BOC: variants seen among roughly 807,000 people sequenced by gnomAD.
BOC encodes the protein BOC cell adhesion associated, oncogene regulated.
A neutral mutation model predicts 112.0 loss-of-function variants in BOC; 76 were observed. The observed-to-expected ratio is 0.68, with a 90% confidence interval of 0.56 to 0.82. The LOEUF is 0.82. BOC is among the 40% of genes least tolerant of loss of function. The pLI is 0.00. For synonymous variants in BOC, 580 were observed against 599.8 expected, an observed-to-expected ratio of 0.97 and a Z score of 0.48; for missense variants, 1,309 against 1,511.7, an observed-to-expected ratio of 0.87 and a Z score of 2.22.
At chr3:113,286,559 C>T (rs1949716927) in intron 19 of BOC, 116 bp from the exon 20 acceptor site, 5 of 974,802 alleles carry the variant, frequency 5.1e-6, no homozygotes, top group Non-Finnish European at 7.3e-6. Context: ...GTTTCTGTCC[C>T]CTTTCCAGAG....
At chr3:113,225,257 G>A (rs9870275) in intron 2 of BOC, among the ~76,000 whole-genome samples, 219 of 148,620 alleles carry the variant, frequency 1.5e-3, no homozygotes, top group African/African-American at 5.3e-3. Context: ...CTGGGTGACA[G>A]AACAAGACCT....
chr3:113,287,375 A>G lies in BOC; in HGVS notation c.*513A>G, dbSNP rs1949775803. 1.2e-5 allele frequency: 2 copies of G among 161,242 alleles called. No homozygotes were observed. The highest frequency in any genetic ancestry group is 2.4e-5 in the African/African-American group (1 of 41,706). 10.0% of individuals were successfully genotyped at this position (161,242 alleles called of 1,614,324 possible). On this transcript the variant is annotated 3_prime_UTR_variant, in exon 20 of 20. Coordinates refer to ENST00000682979, the MANE Select transcript of BOC (RefSeq NM_001378074.1). ...TATGAGCATTAAAAAACCTTCCAGAATCAATAATCCGTGGCAACATATCTC... is the reference window on the plus strand; with the variant it reads ...TATGAGCATTAAAAAACCTTCCAGAGTCAATAATCCGTGGCAACATATCTC...
chr3:113,236,356 C>A (rs1369877492), intron 2 of BOC, among the ~76,000 whole-genome samples: 5 of 106,128 alleles, frequency 4.7e-5, no homozygotes, highest in African/African-American at 1.5e-4. Context: ...GGAATCATGT[C>A]TTTTGCAGCA....
intron 12 of BOC, 106 bp downstream of exon 12, chr3:113,279,561 C>T (rs898806732): frequency 8.2e-6 from 9 of 1,097,678 alleles, no homozygotes; most frequent in Admixed American, 6.9e-5. Context: ...CCCAGGCCCC[C>T]ACCCACCAGC....
intron 1 of BOC, among the ~76,000 whole-genome samples, chr3:113,215,701 T>A (rs1210569827): frequency 6.6e-6 from 1 of 152,240 alleles, no homozygotes; most frequent in Non-Finnish European, 1.5e-5. Flanking sequence ...TTTAAAACCC[T>A]AATTTCTTAA....
At chr3:113,260,979 T>C (rs192379355) in intron 4 of BOC, among the ~76,000 whole-genome samples, 1 of 152,156 alleles carries the variant, frequency 6.6e-6, no homozygotes, top group East Asian at 1.9e-4. Flanking sequence ...GCCAAAAAGG[T>C]TGGGGACCAC....
chr3:113,228,679 C>G (rs752996963), intron 2 of BOC, among the ~76,000 whole-genome samples: 13 of 152,176 alleles, frequency 8.5e-5, no homozygotes, highest in Non-Finnish European at 1.3e-4. Context: ...CTTCCTGTCT[C>G]TGGAGTGCAC....
intron 3 of BOC, 39 bp from the exon 4 acceptor site, chr3:113,250,516 G>A: frequency 6.4e-7 from 1 of 1,556,404 alleles, no homozygotes; most frequent in Non-Finnish European, 8.7e-7. Flanking sequence ...GTTTTCTTGG[G>A]GGCATCAGTT....
intron 4 of BOC, among the ~76,000 whole-genome samples, chr3:113,258,745 A>G (rs1946499647): frequency 6.6e-6 from 1 of 152,190 alleles, no homozygotes; most frequent in Non-Finnish European, 1.5e-5. Flanking sequence ...AGAGACAGAG[A>G]CAGCTCCACA....
intron 6 of BOC, 113 bp from the exon 7 acceptor site, chr3:113,272,297 C>G: frequency 8.3e-7 from 1 of 1,211,602 alleles, no homozygotes; most frequent in Non-Finnish European, 1.2e-6. Context: ...GTTGAAAGAC[C>G]CGGAATGGCT....
chr3:113,223,010 G>A (rs1424847760), intron 2 of BOC, among the ~76,000 whole-genome samples: 1 of 152,240 alleles, frequency 6.6e-6, no homozygotes, highest in Non-Finnish European at 1.5e-5. Flanking sequence ...CTGCACATTG[G>A]GATGTTCACC....
At chr3:113,213,183 C>T (rs1043730756) in intron 1 of BOC, among the ~76,000 whole-genome samples, 1 of 152,198 alleles carries the variant, frequency 6.6e-6, no homozygotes, top group African/African-American at 2.4e-5. Flanking sequence ...CTGCTCCCCT[C>T]ATCCCTTCTC....
rs9819129 is a variant in BOC, at chr3:113,270,916, C to A, written c.639C>A (p.Ser213=). The part of the protein sequence containing the change: ...YNPVTQEVKT[S]GSSDRLRVRR... ...CAGTGACCCAGGAAGTGAAAACCTC[C>A]GGCTCCAGCGACAGGCTACGTGTGC... Residue 213 remains serine, a synonymous_variant, in exon 6 of 20, where the codon TCC becomes TCA. Transcript: ENST00000682979. 1.2e-6 allele frequency: 2 copies of A among 1,614,202 alleles called. No individual in the cohort carries two copies. Among genetic ancestry groups the A allele is most frequent in the Non-Finnish European group, 1.7e-6 (2 of 1,180,042 alleles).
At chr3:113,232,803 T>G (rs907922511) in intron 2 of BOC, among the ~76,000 whole-genome samples, 1 of 152,236 alleles carries the variant, frequency 6.6e-6, no homozygotes, top group African/African-American at 2.4e-5. Flanking sequence ...TCAGATTTAT[T>G]AAGTTGCTGT....
At chr3:113,273,363 G>A (rs755540363) in intron 8 of BOC, 22 bp downstream of exon 8, 1 of 1,567,648 alleles carries the variant, frequency 6.4e-7, no homozygotes, top group East Asian at 2.3e-5. Flanking sequence ...CCAGGGGTCT[G>A]AGATTCCAGC....
chr3:113,278,473 C>G lies in BOC; in HGVS notation c.1706-200C>G, dbSNP rs1407869799. Among the ~76,000 whole-genome samples, 2 of 152,122 alleles carry G rather than the reference C, an allele frequency of 1.3e-5. No homozygotes were observed. Among genetic ancestry groups the G allele is most frequent in the African/African-American group, 4.8e-5 (2 of 41,422 alleles). ...CGGCCTCTCTGGCACCCCTTCATCCCTCTCTCACACAGGGGCCAGCAATAG... is the reference window on the plus strand; with the variant it reads ...CGGCCTCTCTGGCACCCCTTCATCCGTCTCTCACACAGGGGCCAGCAATAG... On this transcript the variant is annotated intron_variant, in intron 10 of 19. Transcript: ENST00000682979. This position sits in a 1 kb window ranked among gnomAD's most constrained non-coding sequence, Gnocchi z 4.2.
In BOC at chr3:113,216,187, T is replaced by C. The variant is rs1311252358; in HGVS notation, c.-169T>C. 1 of 453,876 alleles carries C rather than the reference T, an allele frequency of 2.2e-6. No homozygotes were observed. The highest frequency in any genetic ancestry group is 1.6e-5 in the South Asian group (1 of 63,934). The allele number at this position is 453,876 out of a possible 1,614,324, so 28.1% of individuals were successfully genotyped here. On this transcript the variant is annotated splice_region_variant and 5_prime_UTR_variant, in exon 2 of 20. Coordinates refer to ENST00000682979, the MANE Select transcript of BOC (RefSeq NM_001378074.1). ...ATGAGATAATTCTCTTTTTCCTCAG[T>C]TTCAGAACAAGCTTCCTGGAACCCA...
rs193198459 is a variant in BOC at position 113,251,140 on chromosome 3, G to A, written c.376+307G>A. ...TCCGTGGGCCCCAGAGCAGGGCCGT[G>A]CCGTGCCTTCCTACTTGGTCATCCT... On this transcript the variant is annotated intron_variant, in intron 4 of 19. Coordinates refer to ENST00000682979, the MANE Select transcript of BOC (RefSeq NM_001378074.1). 36 of 571,086 alleles carry A rather than the reference G, an allele frequency of 6.3e-5. No individual in the cohort carries two copies. In the East Asian group the frequency reaches 1.0e-3, roughly 16 times the overall value. The allele number at this position is 571,086 out of a possible 1,614,324, so 35.4% of individuals were successfully genotyped here.
At chr3:113,229,867 C>T (rs140233103) in intron 2 of BOC, among the ~76,000 whole-genome samples, 9 of 152,228 alleles carry the variant, frequency 5.9e-5, no homozygotes, top group African/African-American at 2.2e-4. Context: ...CCCCAAAATC[C>T]ACGGCAGAGA....
Sources: allele counts gnomAD v4.1 joint callset (sites outside exome capture counted in the v4.1 genomes callset), GRCh38; gene constraint gnomAD v4.1.1; non-coding constraint Gnocchi (gnomAD v3.1); transcripts MANE v1.5; gene names NCBI Gene and HGNC (gene_info 2026-07-23, HGNC 2026-07-21).